Variants in RFX3 observed in about 807,000 individuals in gnomAD.
The protein encoded by RFX3 is transcription factor RFX3.
A neutral mutation model predicts 98.6 loss-of-function variants in RFX3; 14 were observed. The ratio of observed to expected loss-of-function variants is 0.14; its 90% CI spans 0.09 to 0.22. RFX3 has a LOEUF of 0.22. Among genes scored for constraint, RFX3 ranks in the 10% least tolerant of loss-of-function variants. The pLI is 1.00. For synonymous variants in RFX3, 383 were observed against 328.4 expected, an observed-to-expected ratio of 1.17 and a Z score of -1.80; for missense variants, 639 against 926.9, an observed-to-expected ratio of 0.69 and a Z score of 4.03.
rs1003678958 is a variant in RFX3, at chr9:3,398,199, G to A, written c.-8-2603C>T. Among the ~76,000 whole-genome samples the A allele has an allele frequency of 2.0e-5, 3 of 152,102 alleles. No homozygotes were observed. In the East Asian group the frequency reaches 5.8e-4, roughly 29 times the overall value. On this transcript the variant is annotated intron_variant, in intron 1 of 16. Coordinates refer to ENST00000617270, the MANE Select transcript of RFX3 (RefSeq NM_001282116.2). ...GAAATGACCAAAAATGTTTGAGAATGACACTATTTTTTACTACACAAAATT... is the reference window on the plus strand; with the variant it reads ...GAAATGACCAAAAATGTTTGAGAATAACACTATTTTTTACTACACAAAATT...
At chr9:3,477,346 TGA>T in intron 1 of RFX3, among the ~76,000 whole-genome samples, 1 of 152,352 alleles carries the variant, frequency 6.6e-6, no homozygotes, top group South Asian at 2.1e-4. Flanking sequence ...CATTTCAACC[TGA>T]AAGACTCCCT....
intron 11 of RFX3, among the ~76,000 whole-genome samples, chr9:3,268,918 G>C (rs1449171395): frequency 1.3e-5 from 2 of 151,852 alleles, no homozygotes; most frequent in Non-Finnish European, 2.9e-5. Flanking sequence ...ATTTTATGTT[G>C]GTAGTAAGAT....
chr9:3,361,121 G>A (rs1836377367), intron 2 of RFX3, among the ~76,000 whole-genome samples: 1 of 152,076 alleles, frequency 6.6e-6, no homozygotes, highest in Non-Finnish European at 1.5e-5. Context: ...TTAAAAACAT[G>A]GGATATTAGA....
chr9:3,313,742 C>T (rs951683598), intron 4 of RFX3, among the ~76,000 whole-genome samples: 3 of 152,120 alleles, frequency 2.0e-5, no homozygotes, highest in Admixed American at 6.5e-5. Flanking sequence ...GCTTCAGTAG[C>T]CGATTTGATT....
chr9:3,330,521 TAGA>T lies in RFX3; in HGVS notation c.216-7_216-5del, dbSNP rs773174486. On this transcript the variant is annotated splice_polypyrimidine_tract_variant and splice_region_variant and intron_variant, in intron 3 of 16. Coordinates refer to ENST00000617270, the MANE Select transcript of RFX3 (RefSeq NM_001282116.2). Reference sequence around the variant, plus strand: ...GTAAGGATACGTTGTTGTTCGGCTTTAGAAGAAGAAGAAAAAAGAAATTTACTA... The same window carrying T: ...GTAAGGATACGTTGTTGTTCGGCTTTAGAAGAAGAAAAAAGAAATTTACTA... 1.4e-5 allele frequency: 22 copies of T among 1,590,088 alleles called. No individual in the cohort carries two copies. Among genetic ancestry groups the T allele is most frequent in the African/African-American group, 4.1e-5 (3 of 74,036 alleles).
chr9:3,271,319 A>G (rs1278925527), intron 9 of RFX3, among the ~76,000 whole-genome samples: 2 of 151,394 alleles, frequency 1.3e-5, no homozygotes, highest in African/African-American at 4.9e-5. Context: ...TAAAGAGGGG[A>G]AAATTCTTGG....
rs146192158 is a variant in RFX3 at position 3,514,267 on chromosome 9, A to C, written c.-9+11480T>G. On this transcript the variant is annotated intron_variant, in intron 1 of 16. Transcript: ENST00000617270. ...TGATCCTCCAAGAGATGGATAATGC[A>C]AAAATCAGTGCACAAAAACAGTATT... Among the ~76,000 whole-genome samples, 888 of 152,320 alleles carry C rather than the reference A, an allele frequency of 5.8e-3. 9 individuals are homozygous for C. The highest frequency in any genetic ancestry group is 7.6e-3 in the Admixed American group (116 of 15,294).
chr9:3,429,260 G>A (rs1036859887), intron 1 of RFX3, among the ~76,000 whole-genome samples: 4 of 150,916 alleles, frequency 2.7e-5, no homozygotes, highest in African/African-American at 9.7e-5. Context: ...CTGACCTCGT[G>A]ATCCGCCCGT....
intron 1 of RFX3, among the ~76,000 whole-genome samples, chr9:3,495,949 T>C (rs770643519): frequency 6.6e-6 from 1 of 152,090 alleles, no homozygotes; most frequent in Non-Finnish European, 1.5e-5. Flanking sequence ...CCATATTTTG[T>C]AAATCAATGA....
chr9:3,449,870 TA>T (rs1330081583), intron 1 of RFX3, among the ~76,000 whole-genome samples: 15 of 52,782 alleles, frequency 2.8e-4, no homozygotes, highest in East Asian at 9.0e-4. Context: ...CCTGTCTCAA[TA>T]AAAAAAAAAG....
chr9:3,235,438 T>C (rs1008072199), intron 15 of RFX3, among the ~76,000 whole-genome samples: 1 of 152,176 alleles, frequency 6.6e-6, no homozygotes, highest in African/African-American at 2.4e-5. Context: ...GGAATATAGC[T>C]TTCATACTGT....
intron 16 of RFX3, among the ~76,000 whole-genome samples, chr9:3,227,058 G>A (rs959493283): frequency 6.6e-6 from 1 of 152,122 alleles, no homozygotes; most frequent in African/African-American, 2.4e-5. Context: ...CCATCAAGAG[G>A]TCTGGGGGTA....
intron 15 of RFX3, chr9:3,247,049 C>T (rs1372675915): frequency 2.0e-6 from 2 of 980,382 alleles, no homozygotes; most frequent in African/African-American, 3.5e-5. Flanking sequence ...TGTTTTCACT[C>T]TTTTTTATTT....
intron 2 of RFX3, among the ~76,000 whole-genome samples, chr9:3,356,826 T>C (rs185344290): frequency 6.6e-6 from 1 of 151,726 alleles, no homozygotes; most frequent in African/African-American, 2.4e-5. Context: ...GTTTAATATT[T>C]AAAAACCCAC....
chr9:3,218,335 A>G lies in RFX3; in HGVS notation c.*6707T>C, dbSNP rs1026802466. 2.6e-5 allele frequency: 4 copies of G among 152,204 alleles called. No individual in the cohort carries two copies. The highest frequency in any genetic ancestry group is 4.4e-5 in the Non-Finnish European group (3 of 68,026). The allele number at this position is 152,204 out of a possible 1,614,324, so 9.4% of individuals were successfully genotyped here. ...GAAACAAATTTATTGATTTTAAAAG[A>G]CAAGACACCATTTTGTTTTGAAAAA... On this transcript the variant is annotated 3_prime_UTR_variant, in exon 17 of 17. Coordinates refer to ENST00000617270, the MANE Select transcript of RFX3 (RefSeq NM_001282116.2).
intron 2 of RFX3, among the ~76,000 whole-genome samples, chr9:3,393,344 G>A (rs1840516673): frequency 6.6e-6 from 1 of 151,972 alleles, no homozygotes; most frequent in Admixed American, 6.6e-5. Flanking sequence ...ACCCTATTAA[G>A]ACCTGGTGTA....
intron 4 of RFX3, among the ~76,000 whole-genome samples, chr9:3,314,297 A>C (rs997135573): frequency 6.6e-6 from 1 of 152,208 alleles, no homozygotes; most frequent in Non-Finnish European, 1.5e-5. Flanking sequence ...AAGAGAAAAA[A>C]AATCCATTAC....
intron 2 of RFX3, among the ~76,000 whole-genome samples, chr9:3,380,987 T>C (rs1442561070): frequency 2.0e-5 from 3 of 152,172 alleles, no homozygotes; most frequent in Non-Finnish European, 4.4e-5. Flanking sequence ...GTTATTTTTA[T>C]ATCTAATCTA....
chr9:3,288,770 T>C (rs1002705478), intron 6 of RFX3, among the ~76,000 whole-genome samples: 3 of 152,166 alleles, frequency 2.0e-5, no homozygotes, highest in African/African-American at 7.2e-5. Context: ...AACTTAATTG[T>C]CTGTTACAAA....
Sources: allele counts gnomAD v4.1 joint callset (sites outside exome capture counted in the v4.1 genomes callset), GRCh38; gene constraint gnomAD v4.1.1; transcripts MANE v1.5; gene names NCBI Gene and HGNC (gene_info 2026-07-23, HGNC 2026-07-21).